Variants in CADPS2 observed in about 807,000 individuals in gnomAD.
CADPS2 encodes the protein calcium-dependent secretion activator 2.
Under a neutral mutation model 172.5 loss-of-function variants are expected in CADPS2, and 93 were observed. The observed-to-expected ratio is 0.54, with a 90% CI of 0.46 to 0.64. The LOEUF is 0.64. Among genes scored for constraint, CADPS2 ranks in the 30% least tolerant of loss-of-function variants. CADPS2 has a pLI of 0.00. For missense variants in CADPS2, 1,420 were observed against 1,565.9 expected (o/e 0.91, Z 1.57); for synonymous variants, 546 against 555.2 (o/e 0.98, Z 0.23).
intron 1 of CADPS2, among the ~76,000 whole-genome samples, chr7:122,885,760 G>C (rs1824189002): frequency 6.6e-6 from 1 of 152,188 alleles, no homozygotes. Context: ...CTGTCTCACG[G>C]ATGGTGAGCT....
At chr7:122,841,729 G>A (rs920512405) in intron 1 of CADPS2, among the ~76,000 whole-genome samples, 3 of 152,186 alleles carry the variant, frequency 2.0e-5, no homozygotes, top group South Asian at 2.1e-4. Context: ...ACGAAGAGTT[G>A]CCTTAAATTT....
chr7:122,610,204 A>G (rs1324027124), intron 6 of CADPS2, among the ~76,000 whole-genome samples: 1 of 152,046 alleles, frequency 6.6e-6, no homozygotes, highest in Non-Finnish European at 1.5e-5. Flanking sequence ...CTCAGGTTTC[A>G]AAGTATTTTA....
chr7:122,583,820 CATATGT>C (rs1424081125), intron 6 of CADPS2, among the ~76,000 whole-genome samples: 16 of 150,544 alleles, frequency 1.1e-4, no homozygotes, highest in Non-Finnish European at 1.9e-4. Context: ...TATACATATG[CATATGT>C]ATATTCATAT....
At chr7:122,700,274 G>A (rs1386562259) in intron 2 of CADPS2, among the ~76,000 whole-genome samples, 1 of 152,166 alleles carries the variant, frequency 6.6e-6, no homozygotes, top group Non-Finnish European at 1.5e-5. Flanking sequence ...CAGGACTAAA[G>A]GAGCTGTTAC....
At chr7:122,766,509 C>T (rs2093555777) in intron 1 of CADPS2, among the ~76,000 whole-genome samples, 2 of 152,112 alleles carry the variant, frequency 1.3e-5, no homozygotes. Flanking sequence ...TTACCCAGCC[C>T]TAAAAACCAA....
At chr7:122,872,776 C>T (rs1008843678) in intron 1 of CADPS2, among the ~76,000 whole-genome samples, 48 of 152,020 alleles carry the variant, frequency 3.2e-4, no homozygotes, top group Middle Eastern at 6.8e-3. Flanking sequence ...TTATTTTTCC[C>T]ATATTCTAAT....
intron 4 of CADPS2, among the ~76,000 whole-genome samples, chr7:122,623,368 C>A (rs538762771): frequency 5.3e-5 from 8 of 152,082 alleles, no homozygotes; most frequent in Admixed American, 6.6e-5. Flanking sequence ...CCAGAAAAAG[C>A]ATCCAAAACT....
chr7:122,834,437 T>C (rs956787844), intron 1 of CADPS2, among the ~76,000 whole-genome samples: 1 of 151,978 alleles, frequency 6.6e-6, no homozygotes, highest in Non-Finnish European at 1.5e-5. Flanking sequence ...AAACAGTGGG[T>C]GCAGGACAGC....
chr7:122,346,292 T>C (rs2037649738), intron 27 of CADPS2, among the ~76,000 whole-genome samples: 1 of 152,068 alleles, frequency 6.6e-6, no homozygotes, highest in Admixed American at 6.6e-5. Flanking sequence ...TGCTTGAGCA[T>C]GGGTGGTTGA....
At chr7:122,536,981 G>C in intron 8 of CADPS2, among the ~76,000 whole-genome samples, 1 of 151,924 alleles carries the variant, frequency 6.6e-6, no homozygotes. Flanking sequence ...GAGAACACAT[G>C]GGCACATAGA....
At chr7:122,520,228 A>G (rs1224054185) in intron 8 of CADPS2, among the ~76,000 whole-genome samples, 1 of 152,054 alleles carries the variant, frequency 6.6e-6, no homozygotes, top group Non-Finnish European at 1.5e-5. Flanking sequence ...CAATAGATTT[A>G]TTGAGTAAAA....
At chr7:122,662,922 A>G (rs1407849273) in intron 3 of CADPS2, among the ~76,000 whole-genome samples, 1 of 152,218 alleles carries the variant, frequency 6.6e-6, no homozygotes, top group Non-Finnish European at 1.5e-5. Context: ...TTCTTCAGAT[A>G]GGAGATGATT....
intron 8 of CADPS2, among the ~76,000 whole-genome samples, chr7:122,546,877 G>C (rs2063676430): frequency 6.6e-6 from 1 of 151,748 alleles, no homozygotes; most frequent in Non-Finnish European, 1.5e-5. Flanking sequence ...TCAGCTGTTG[G>C]GGAAAATATT....
intron 8 of CADPS2, among the ~76,000 whole-genome samples, chr7:122,539,971 A>C (rs1007262698): frequency 6.6e-6 from 1 of 152,096 alleles, no homozygotes; most frequent in African/African-American, 2.4e-5. Flanking sequence ...CCATATGTTC[A>C]AAATGTTTCA....
intron 9 of CADPS2, among the ~76,000 whole-genome samples, chr7:122,503,814 T>G (rs1312457365): frequency 6.6e-6 from 1 of 152,076 alleles, no homozygotes; most frequent in Non-Finnish European, 1.5e-5. Context: ...GCCTCAGAAT[T>G]GGGAAAAAAA....
chr7:122,730,100 C>T (rs2091503891), intron 2 of CADPS2, among the ~76,000 whole-genome samples: 1 of 151,630 alleles, frequency 6.6e-6, no homozygotes, highest in South Asian at 2.1e-4. Context: ...CACATCATAA[C>T]AGAGGGTTAA....
chr7:122,871,504 T>C (rs1277448473), intron 1 of CADPS2, among the ~76,000 whole-genome samples: 1 of 151,258 alleles, frequency 6.6e-6, no homozygotes, highest in Non-Finnish European at 1.5e-5. Context: ...AACACAACAC[T>C]GTTGAAGCTT....
intron 9 of CADPS2, among the ~76,000 whole-genome samples, chr7:122,508,336 C>A (rs1215787251): frequency 1.3e-5 from 2 of 150,524 alleles, no homozygotes; most frequent in African/African-American, 4.9e-5. Flanking sequence ...ACAACAAAAA[C>A]CACATTCAAA....
At chr7:122,722,596 T>C (rs1369063287) in intron 2 of CADPS2, among the ~76,000 whole-genome samples, 2 of 145,252 alleles carry the variant, frequency 1.4e-5, no homozygotes, top group East Asian at 2.0e-4. Context: ...AGAATCAATA[T>C]TGTGAAAATG....
Sources: allele counts gnomAD v4.1 joint callset (sites outside exome capture counted in the v4.1 genomes callset), GRCh38; gene constraint gnomAD v4.1.1; transcripts MANE v1.5; gene names NCBI Gene and HGNC (gene_info 2026-07-23, HGNC 2026-07-21).